CLEC4C: variants seen among roughly 807,000 people sequenced by gnomAD.
CLEC4C encodes C-type lectin domain family 4 member C.
A neutral mutation model predicts 27.7 loss-of-function variants in CLEC4C; 17 were observed. That is an observed-to-expected ratio of 0.61 (90% CI 0.42 to 0.92). The LOEUF (loss-of-function observed/expected upper bound fraction) is 0.92. Ranked by LOEUF, CLEC4C falls within the 40% of genes least tolerant of loss-of-function variation. CLEC4C has a pLI of 0.00. For synonymous variants in CLEC4C, 80 were observed against 80.8 expected (o/e 0.99, Z 0.06); for missense variants, 244 against 257.3 (o/e 0.95, Z 0.35).
At position 7,747,271 on chromosome 12, in the gene CLEC4C, A is replaced by G. The variant is rs1334460679; in HGVS notation, c.31+47T>C. ...CACCTCAATGCCTGTTTCCCACTCC[A>G]TCCTGCTCCTACTACCTTCCCTAGA... On this transcript the variant is annotated intron_variant, in intron 1 of 5. Coordinates refer to ENST00000360345, the MANE Select transcript of CLEC4C (RefSeq NM_001371390.1). The G allele has an allele frequency of 3.2e-6, 5 of 1,586,560 alleles. No individual in the cohort carries two copies. The Middle Eastern group carries it at 6.7e-4, about 211-fold the overall frequency.
At chr12:7,744,598 A>G (rs1370231221) in intron 2 of CLEC4C, among the ~76,000 whole-genome samples, 17 of 152,142 alleles carry the variant, frequency 1.1e-4, no homozygotes, top group Non-Finnish European at 1.5e-5. Flanking sequence ...TTTCCATTGT[A>G]TCACTGTATA....
chr12:7,739,690 C>CT (rs147510468), intron 3 of CLEC4C, among the ~76,000 whole-genome samples: 2 of 151,302 alleles, frequency 1.3e-5, no homozygotes, highest in Non-Finnish European at 2.9e-5. Context: ...TATTTATTAT[C>CT]TTTTTTTTAG....
chr12:7,745,102 T>C (rs749049486), intron 2 of CLEC4C, among the ~76,000 whole-genome samples: 1 of 152,280 alleles, frequency 6.6e-6, no homozygotes, highest in Non-Finnish European at 1.5e-5. Context: ...TGTTATAGAA[T>C]GAATTGCGTC....
chr12:7,747,287 C>A, intron 1 of CLEC4C, 31 bp downstream of exon 1: 1 of 1,611,410 alleles, frequency 6.2e-7, no homozygotes, highest in Non-Finnish European at 8.5e-7. Context: ...CTCCTACTAC[C>A]TTCCCTAGAA....
chr12:7,731,600 GC>G (rs1369651599), intron 4 of CLEC4C, among the ~76,000 whole-genome samples: 1 of 152,088 alleles, frequency 6.6e-6, no homozygotes, highest in Non-Finnish European at 1.5e-5. Flanking sequence ...GCCACAAAGG[GC>G]CCCTGTCCAG....
chr12:7,737,969 C>T (rs1413432503), intron 3 of CLEC4C, among the ~76,000 whole-genome samples: 2 of 152,136 alleles, frequency 1.3e-5, no homozygotes, highest in Non-Finnish European at 2.9e-5. Flanking sequence ...CCTTAGTTTT[C>T]CAGGCCCTGC....
Position 7,737,569 on chromosome 12 carries a change from T to C in CLEC4C, c.241A>G (p.Ser81Gly). The C allele has an allele frequency of 1.2e-6, 2 of 1,612,874 alleles. No homozygotes were observed. The highest frequency in any genetic ancestry group is 4.5e-5 in the East Asian group (2 of 44,882). The change falls in exon 4 of 6, where the codon AGC (serine) becomes GGC (glycine). Residue 81 changes from serine (S) to glycine (G), a missense_variant. Physicochemically the swap from Ser to Gly is moderately conservative, Grantham distance 56 (BLOSUM62 0). Coordinates refer to ENST00000360345, the MANE Select transcript of CLEC4C (RefSeq NM_001371390.1). ...VMEGKDIEDW[S>G]CCPTPWTSFQ... is the part of the protein sequence containing the mutation. ...GAAGTCCAAGGGGTTGGGCAGCAGC[T>C]CCAATCTTCCCAAATGAGTATAGAA...
At chr12:7,742,687 T>G (rs1864883204) in intron 2 of CLEC4C, among the ~76,000 whole-genome samples, 1 of 148,550 alleles carries the variant, frequency 6.7e-6, no homozygotes, top group African/African-American at 2.5e-5. Context: ...CACGTGTCTA[T>G]TAATCCCAGC....
At chr12:7,736,522 A>T (rs1266455442) in intron 4 of CLEC4C, among the ~76,000 whole-genome samples, 1 of 151,978 alleles carries the variant, frequency 6.6e-6, no homozygotes, top group Non-Finnish European at 1.5e-5. Context: ...ATTTGCCTGA[A>T]TTTTTTTTCT....
At chr12:7,735,183 CAG>C (rs2120380858) in intron 4 of CLEC4C, among the ~76,000 whole-genome samples, 2 of 146,706 alleles carry the variant, frequency 1.4e-5, no homozygotes, top group East Asian at 4.2e-4. Flanking sequence ...CCTGGGGTGA[CAG>C]AGAGAGACTC....
At chr12:7,732,604 G>A (rs1206569980) in intron 4 of CLEC4C, among the ~76,000 whole-genome samples, 1 of 151,294 alleles carries the variant, frequency 6.6e-6, no homozygotes, top group Non-Finnish European at 1.5e-5. Flanking sequence ...CACCCTCCTC[G>A]GCCTTCCAAA....
intron 2 of CLEC4C, among the ~76,000 whole-genome samples, chr12:7,743,135 G>C (rs766677957): frequency 2.7e-4 from 41 of 152,236 alleles, no homozygotes; most frequent in African/African-American, 9.6e-4. Context: ...TGTTCAGTAA[G>C]CATTTGTTGA....
At chr12:7,739,032 T>C (rs1327592804) in intron 3 of CLEC4C, among the ~76,000 whole-genome samples, 1 of 146,288 alleles carries the variant, frequency 6.8e-6, no homozygotes, top group Non-Finnish European at 1.5e-5. Flanking sequence ...CATTGTTCGA[T>C]TCCCACCAGT....
chr12:7,732,391 C>T (rs985918628), intron 4 of CLEC4C, among the ~76,000 whole-genome samples: 1 of 142,580 alleles, frequency 7.0e-6, no homozygotes, highest in Middle Eastern at 4.9e-3. Context: ...CTCACTCTGT[C>T]GCCAGGCTGG....
chr12:7,741,276 AT>A, intron 3 of CLEC4C, 144 bp downstream of exon 3: 1 of 593,718 alleles, frequency 1.7e-6, no homozygotes, highest in Non-Finnish European at 3.1e-6. Flanking sequence ...TGAGGTGTCT[AT>A]TTAAGATACC....
At chr12:7,735,523 A>AG (rs1313946676) in intron 4 of CLEC4C, among the ~76,000 whole-genome samples, 4 of 144,368 alleles carry the variant, frequency 2.8e-5, no homozygotes, top group Non-Finnish European at 4.6e-5. Flanking sequence ...AAAAAAAAAA[A>AG]CGGCCAGGCA....
rs772319367 is a variant in CLEC4C, at chr12:7,741,380, T to C, written c.235+41A>G. 8 of 1,078,914 alleles carry C rather than the reference T, an allele frequency of 7.4e-6. No individual in the cohort carries two copies. In the African/African-American group the frequency reaches 1.2e-4, roughly 17 times the overall value. 66.8% of individuals were successfully genotyped at this position (1,078,914 alleles called of 1,614,324 possible). ...TAAACCATCAGACTAGGAATTTGATTAATAGCAAGGGAAGTCTTGTTGCCC... is the reference window on the plus strand; with the variant it reads ...TAAACCATCAGACTAGGAATTTGATCAATAGCAAGGGAAGTCTTGTTGCCC... On this transcript the variant is annotated intron_variant, in intron 3 of 5. Coordinates refer to ENST00000360345, the MANE Select transcript of CLEC4C (RefSeq NM_001371390.1).
At chr12:7,735,900 G>C (rs887034741) in intron 4 of CLEC4C, among the ~76,000 whole-genome samples, 6 of 152,274 alleles carry the variant, frequency 3.9e-5, no homozygotes, top group Non-Finnish European at 8.8e-5. Context: ...AGAGAAGCAA[G>C]ATCAATTCTA....
chr12:7,735,052 T>C (rs771738680), intron 4 of CLEC4C, among the ~76,000 whole-genome samples: 1 of 151,216 alleles, frequency 6.6e-6, no homozygotes, highest in East Asian at 2.0e-4. Flanking sequence ...AATACAAAAA[T>C]TAGCCAGGAG....
Sources: allele counts gnomAD v4.1 joint callset (sites outside exome capture counted in the v4.1 genomes callset), GRCh38; gene constraint gnomAD v4.1.1; transcripts MANE v1.5; gene names NCBI Gene and HGNC (gene_info 2026-07-23, HGNC 2026-07-21).